Variants in DACH2 observed in about 807,000 individuals in gnomAD.
The protein encoded by DACH2 is dachshund family transcription factor 2, also known as dachshund homolog 2.
DACH2 carries 17 observed loss-of-function variants against 35.8 expected under a neutral mutation model. That is an observed-to-expected ratio of 0.48 (90% CI 0.33 to 0.71). The LOEUF (loss-of-function observed/expected upper bound fraction) is 0.71, where lower values mean the gene tolerates loss of function less well. DACH2 is among the 30% of genes least tolerant of loss of function. The probability of loss-of-function intolerance (pLI) is 0.02; values close to 1 mark genes in which losing one functional copy is unlikely to be tolerated. For missense variants in DACH2, 469 were observed against 472.7 expected (o/e 0.99, Z 0.07); for synonymous variants, 195 against 177.3 (o/e 1.10, Z -0.79).
At chrX:86,593,879 T>A (rs1415122263) in intron 3 of DACH2, among the ~76,000 whole-genome samples, 1 of 111,661 alleles carries the variant, frequency 9.0e-6, no homozygotes, top group Non-Finnish European at 1.9e-5. Context: ...TGAGGAAGTA[T>A]TCCATTTGCT....
At chrX:86,406,679 G>A (rs918936830) in intron 2 of DACH2, among the ~76,000 whole-genome samples, 7 of 112,020 alleles carry the variant, frequency 6.2e-5, no homozygotes, top group Non-Finnish European at 1.3e-4. Context: ...CAGAACATAT[G>A]GGAGAATGAC....
chrX:86,316,167 G>A (rs1438418694), intron 1 of DACH2, among the ~76,000 whole-genome samples: 1 of 109,758 alleles, frequency 9.1e-6, no homozygotes, highest in African/African-American at 3.3e-5. Flanking sequence ...GAGAGTTTCT[G>A]TGCCTGTTCC....
In DACH2 at chrX:86,604,064, G is replaced by A. The variant is rs1028265232; in HGVS notation, c.641-46972G>A. On this transcript the variant is annotated intron_variant, in intron 3 of 11. Coordinates refer to ENST00000373125, the MANE Select transcript of DACH2 (RefSeq NM_053281.3). Reference sequence around the variant, plus strand: ...TCTTTAGTGGCTCAGAATTTGGCCAGTTTTAAAGAAAGACAATGTGTTCTT... The same window carrying A: ...TCTTTAGTGGCTCAGAATTTGGCCAATTTTAAAGAAAGACAATGTGTTCTT... 2.2e-4 allele frequency among the ~76,000 whole-genome samples: 24 copies of A among 111,018 alleles called. No homozygotes were observed. In the Admixed American group the frequency reaches 2.2e-3, roughly 10 times the overall value.
At chrX:86,252,238 A>G (rs1426683594) in intron 1 of DACH2, among the ~76,000 whole-genome samples, 4 of 110,723 alleles carry the variant, frequency 3.6e-5, no homozygotes, top group Non-Finnish European at 7.6e-5. Context: ...AATTCTGGAT[A>G]TTAGTCCTTT....
rs1410402583 is a variant in DACH2 at position 86,350,358 on chromosome X, G to A, written c.489-26466G>A. 1.4e-3 allele frequency among the ~76,000 whole-genome samples: 28 copies of A among 19,628 alleles called. 8 individuals carry two copies. The highest frequency in any genetic ancestry group is 1.0e-3 in the African/African-American group (3 of 2,913). The allele number at this position is 19,628 out of a possible 115,157, so 17.0% of individuals were successfully genotyped here. On this transcript the variant is annotated intron_variant, in intron 1 of 11. Coordinates refer to ENST00000373125, the MANE Select transcript of DACH2 (RefSeq NM_053281.3). ...CTCTGATGGTAGTTTCTTTTGCTGT[G>A]CAGAAGCTCTTTAGTTTAATTAGAT...
chrX:86,151,708 T>C (rs975640868), intron 1 of DACH2, among the ~76,000 whole-genome samples: 5 of 111,712 alleles, frequency 4.5e-5, no homozygotes, highest in Admixed American at 9.6e-5. Context: ...TTTACAGAAA[T>C]GTATACTTTA....
At chrX:86,226,751 TG>T (rs2032832751) in intron 1 of DACH2, among the ~76,000 whole-genome samples, 1 of 111,756 alleles carries the variant, frequency 8.9e-6, no homozygotes, top group Admixed American at 9.5e-5. Context: ...ATTAAGAAGT[TG>T]TATATATGGA....
intron 3 of DACH2, among the ~76,000 whole-genome samples, chrX:86,583,118 C>T (rs1192087687): frequency 1.8e-5 from 2 of 111,107 alleles, no homozygotes; most frequent in Non-Finnish European, 3.8e-5. Flanking sequence ...AAAAGTAAAT[C>T]ATCATCTCAA....
chrX:86,478,422 A>C (rs912088857), intron 2 of DACH2, among the ~76,000 whole-genome samples: 12 of 110,912 alleles, frequency 1.1e-4, no homozygotes, highest in African/African-American at 3.6e-4. Flanking sequence ...TAAATATGTC[A>C]TGCCACTCTC....
chrX:86,560,616 T>G (rs1352405472), intron 3 of DACH2, among the ~76,000 whole-genome samples: 63 of 91,723 alleles, frequency 6.9e-4, no homozygotes, highest in African/African-American at 2.5e-3. Flanking sequence ...CTATCTGATC[T>G]TTGACAAACC....
At chrX:86,433,952 G>A (rs2037025833) in intron 2 of DACH2, among the ~76,000 whole-genome samples, 1 of 111,598 alleles carries the variant, frequency 9.0e-6, no homozygotes, top group African/African-American at 3.3e-5. Context: ...TGTGTGAATG[G>A]TATGCAGTGT....
At chrX:86,286,320 C>T (rs966689557) in intron 1 of DACH2, among the ~76,000 whole-genome samples, 174 of 108,738 alleles carry the variant, frequency 1.6e-3, no homozygotes, top group Non-Finnish European at 2.8e-3. Context: ...TTAGTAGAGA[C>T]GGGGTTTCAC....
intron 7 of DACH2, among the ~76,000 whole-genome samples, chrX:86,748,887 C>T (rs1390972731): frequency 9.0e-6 from 1 of 111,491 alleles, no homozygotes; most frequent in East Asian, 2.8e-4. Flanking sequence ...AGCCACCTTC[C>T]TCAATGATCT....
chrX:86,799,908 T>C (rs2042275619), intron 7 of DACH2, among the ~76,000 whole-genome samples: 1 of 111,518 alleles, frequency 9.0e-6, no homozygotes, highest in South Asian at 3.7e-4. Context: ...GCTAAGTGTT[T>C]TGCATTTGAG....
At chrX:86,639,793 C>A (rs2040323620) in intron 3 of DACH2, among the ~76,000 whole-genome samples, 1 of 111,314 alleles carries the variant, frequency 9.0e-6, no homozygotes, top group African/African-American at 3.3e-5. Flanking sequence ...TCTGAGCTGA[C>A]CCAGGGCAGA....
intron 1 of DACH2, among the ~76,000 whole-genome samples, chrX:86,157,040 G>A (rs1395076692): frequency 6.3e-5 from 7 of 110,686 alleles, no homozygotes; most frequent in Non-Finnish European, 1.9e-5. Flanking sequence ...CCCTGAAGTT[G>A]AAACTACTCG....
chrX:86,529,977 G>GCA (rs34621582), intron 3 of DACH2, among the ~76,000 whole-genome samples: 16,427 of 83,932 alleles, frequency 0.2, 1,427 homozygotes, highest in South Asian at 0.45. Context: ...ACACACACAC[G>GCA]CACACACACA....
At chrX:86,827,839 A>G in intron 11 of DACH2, 1 of 1,109,033 alleles carries the variant, frequency 9.0e-7, no homozygotes, top group Non-Finnish European at 1.2e-6. Context: ...CTGCTTATCT[A>G]GTGTTGTAAA....
rs375163603 is a variant in DACH2, at chrX:86,375,306, A to C, written c.489-1518A>C. Among the ~76,000 whole-genome samples the C allele has an allele frequency of 3.9e-5, 4 of 103,350 alleles. No homozygotes were observed. The East Asian group carries it at 8.8e-4, about 23-fold the overall frequency. 89.7% of individuals were successfully genotyped at this position (103,350 alleles called of 115,157 possible). A position where few individuals can be genotyped will look rare whatever the true frequency, so the allele number is the denominator to read the frequency against. ...GCCATAGGAGATGTAAATGATTTTG[A>C]TTTTGGTGAGGATTAGTATAATTAT... is the stretch of plus-strand genomic sequence containing the variant. On this transcript the variant is annotated intron_variant, in intron 1 of 11. Transcript: ENST00000373125.
Sources: gnomAD v4.1 joint callset for allele counts (sites outside exome capture counted in the v4.1 genomes callset) on GRCh38, gnomAD v4.1.1 for gene constraint, MANE v1.5 for transcripts, NCBI Gene and HGNC (gene_info 2026-07-23, HGNC 2026-07-21) for gene names.